Variants in SPON1 observed in about 807,000 individuals in gnomAD.
SPON1 encodes the protein spondin-1.
A neutral mutation model predicts 111.7 loss-of-function variants in SPON1; 52 were observed. That is an observed-to-expected ratio of 0.47 (90% CI 0.37 to 0.59). The LOEUF is 0.59. Among genes scored for constraint, SPON1 ranks in the 20% least tolerant of loss-of-function variants. The pLI is 0.00. For missense variants in SPON1, 957 were observed against 1,068.5 expected, an observed-to-expected ratio of 0.90 and a Z score of 1.46; for synonymous variants, 410 against 395.8, an observed-to-expected ratio of 1.04 and a Z score of -0.43.
chr11:14,032,652 G>A (rs2133809344), intron 2 of SPON1, among the ~76,000 whole-genome samples: 1 of 152,324 alleles, frequency 6.6e-6, no homozygotes, highest in African/African-American at 2.4e-5. Flanking sequence ...GTAGCTTGGT[G>A]TGGTCAAAGT....
chr11:14,202,695 G>T (rs1848476327), intron 6 of SPON1, among the ~76,000 whole-genome samples: 8 of 152,170 alleles, frequency 5.3e-5, no homozygotes, highest in Admixed American at 4.6e-4. Flanking sequence ...GGTGTTTCAT[G>T]CTTAACCGTT....
intron 5 of SPON1, among the ~76,000 whole-genome samples, chr11:14,098,212 G>A (rs538984880): frequency 3.7e-4 from 56 of 152,286 alleles, no homozygotes; most frequent in African/African-American, 1.3e-3. Context: ...TAGCCAGGAT[G>A]GTCTCGATCT....
At chr11:14,121,752 G>C (rs1351787745) in intron 5 of SPON1, among the ~76,000 whole-genome samples, 1 of 152,086 alleles carries the variant, frequency 6.6e-6, no homozygotes, top group Admixed American at 6.5e-5. Flanking sequence ...TCAGCCTAAA[G>C]AACTTCCTTT....
At chr11:14,254,235 C>T (rs1362065129) in intron 7 of SPON1, among the ~76,000 whole-genome samples, 1 of 152,202 alleles carries the variant, frequency 6.6e-6, no homozygotes, top group Admixed American at 6.5e-5. Flanking sequence ...GAGCCATGAT[C>T]ACACCACTGC....
chr11:14,097,225 T>C (rs1427404202), intron 5 of SPON1, among the ~76,000 whole-genome samples: 2 of 152,184 alleles, frequency 1.3e-5, no homozygotes, highest in Non-Finnish European at 2.9e-5. Flanking sequence ...AAGTAGATTA[T>C]TAGATAGGGG....
At chr11:14,010,125 CAGG>C (rs1848392745) in intron 2 of SPON1, among the ~76,000 whole-genome samples, 1 of 152,214 alleles carries the variant, frequency 6.6e-6, no homozygotes, top group African/African-American at 2.4e-5. Flanking sequence ...AGATCAGTTG[CAGG>C]AGGAGAAGGT....
intron 2 of SPON1, among the ~76,000 whole-genome samples, chr11:13,992,005 G>T (rs888375503): frequency 7.2e-5 from 11 of 152,180 alleles, no homozygotes; most frequent in Non-Finnish European, 1.3e-4. Context: ...GGTTCCTACT[G>T]GGAGGTGTCT....
chr11:14,080,534 A>AT (rs1848954791), intron 5 of SPON1, among the ~76,000 whole-genome samples: 1 of 152,062 alleles, frequency 6.6e-6, no homozygotes, highest in Non-Finnish European at 1.5e-5. Flanking sequence ...CAGCCCCAGC[A>AT]TTGTGCTTTC....
chr11:14,242,675 A>C (rs1848941871), intron 6 of SPON1, among the ~76,000 whole-genome samples: 2 of 152,252 alleles, frequency 1.3e-5, no homozygotes, highest in Non-Finnish European at 2.9e-5. Context: ...GCTTTCCTTC[A>C]AAATGTTAAT....
At position 14,260,668 on chromosome 11, in the gene SPON1, C is replaced by G; in HGVS notation, c.1912C>G (p.Gln638Glu). The G allele has an allele frequency of 1.2e-6, 2 of 1,614,006 alleles. No homozygotes were observed. Among genetic ancestry groups the G allele is most frequent in the Non-Finnish European group, 1.7e-6 (2 of 1,179,896 alleles). ...CTGCGGGAAGGGCATGCGAACCCGA[C>G]AGCGGATGCTCAAGTCTCTGGCAGA... The part of the protein sequence containing the change: ...VTCGKGMRTR[Q>E]RMLKSLAELG... Residue 638 changes from glutamine to glutamate, a missense_variant, in exon 14 of 16, where the codon CAG (glutamine) becomes GAG (glutamate). Gln to Glu is a conservative substitution (Grantham distance 29, BLOSUM62 2). Transcript: ENST00000576479.
chr11:14,115,857 T>C (rs1849262758), intron 5 of SPON1, among the ~76,000 whole-genome samples: 1 of 152,174 alleles, frequency 6.6e-6, no homozygotes. Context: ...TAAACAATTT[T>C]CCACACCAAA....
intron 6 of SPON1, among the ~76,000 whole-genome samples, chr11:14,161,215 ATATC>A (rs1847954165): frequency 7.6e-6 from 1 of 131,212 alleles, no homozygotes; most frequent in African/African-American, 2.9e-5. Context: ...ATATTTATAT[ATATC>A]TATATATATT....
intron 5 of SPON1, among the ~76,000 whole-genome samples, chr11:14,103,594 T>G (rs1477664288): frequency 2.0e-5 from 3 of 152,228 alleles, no homozygotes; most frequent in African/African-American, 7.2e-5. Context: ...CAGGATAGCC[T>G]TTGATCTCCT....
intron 3 of SPON1, among the ~76,000 whole-genome samples, chr11:14,068,783 G>A (rs527321549): frequency 1.3e-5 from 2 of 152,284 alleles, no homozygotes; most frequent in South Asian, 4.1e-4. Context: ...AGCACTTGTA[G>A]ATGATTGTTT....
intron 6 of SPON1, among the ~76,000 whole-genome samples, chr11:14,213,154 A>G (rs371960161): frequency 2.0e-5 from 3 of 152,216 alleles, no homozygotes; most frequent in African/African-American, 7.2e-5. Flanking sequence ...CAGCTTTTCA[A>G]TGGGACAACA....
intron 7 of SPON1, among the ~76,000 whole-genome samples, chr11:14,245,576 G>A (rs1313561421): frequency 1.3e-5 from 2 of 152,212 alleles, no homozygotes; most frequent in African/African-American, 4.8e-5. Context: ...ACATGGGGCT[G>A]TGCCTGGAAG....
intron 6 of SPON1, among the ~76,000 whole-genome samples, chr11:14,226,932 A>G (rs1848746888): frequency 6.6e-6 from 1 of 152,142 alleles, no homozygotes; most frequent in Admixed American, 6.5e-5. Flanking sequence ...CCATTATCAC[A>G]GTACCTTCCC....
At chr11:14,065,658 G>A (rs1488794189) in intron 3 of SPON1, among the ~76,000 whole-genome samples, 2 of 152,164 alleles carry the variant, frequency 1.3e-5, no homozygotes, top group Non-Finnish European at 2.9e-5. Context: ...TTATTAAATG[G>A]AATGACATTC....
At chr11:14,132,438 G>A (rs1397083303) in intron 5 of SPON1, among the ~76,000 whole-genome samples, 3 of 152,132 alleles carry the variant, frequency 2.0e-5, no homozygotes, top group South Asian at 2.1e-4. Context: ...CTCTGCACTC[G>A]TGCCTTTGGA....
Sources: allele counts gnomAD v4.1 joint callset (sites outside exome capture counted in the v4.1 genomes callset), GRCh38; gene constraint gnomAD v4.1.1; transcripts MANE v1.5; gene names NCBI Gene and HGNC (gene_info 2026-07-23, HGNC 2026-07-21).